Variants in EYS observed in about 807,000 individuals in gnomAD.
EYS encodes EGF-like photoreceptor maintenance factor.
Under a neutral mutation model 282.1 loss-of-function variants are expected in EYS, and 250 were observed. That is an observed-to-expected ratio of 0.89 (90% CI 0.80 to 0.98). EYS has a LOEUF of 0.98. EYS is among the 50% of genes least tolerant of loss of function. EYS has a pLI of 0.00. For synonymous variants in EYS, 1,355 were observed against 1,282.9 expected (o/e 1.06, Z -1.20); for missense variants, 4,016 against 3,709.0 (o/e 1.08, Z -2.15).
chr6:64,944,971 CCTT>C (rs1302445225), intron 15 of EYS, among the ~76,000 whole-genome samples: 6 of 151,446 alleles, frequency 4.0e-5, no homozygotes, highest in Non-Finnish European at 7.4e-5. Context: ...TTGTTGCTGA[CCTT>C]CTCCTTATTA....
At chr6:65,591,052 T>C (rs1487176617) in intron 2 of EYS, among the ~76,000 whole-genome samples, 1 of 152,044 alleles carries the variant, frequency 6.6e-6, no homozygotes, top group Non-Finnish European at 1.5e-5. Flanking sequence ...GGGATCTCCA[T>C]ACTTTTTTCC....
chr6:65,312,893 G>C (rs915388122), intron 11 of EYS, among the ~76,000 whole-genome samples: 1 of 151,990 alleles, frequency 6.6e-6, no homozygotes, highest in Non-Finnish European at 1.5e-5. Flanking sequence ...TCTTTAGGAG[G>C]GAGCTTTCAT....
chr6:64,179,127 T>A lies in EYS; in HGVS notation c.6424+51465A>T, dbSNP rs867792643. Among the ~76,000 whole-genome samples the A allele has an allele frequency of 5.9e-5, 9 of 152,202 alleles. No homozygotes were observed. In the South Asian group the frequency reaches 1.9e-3, roughly 32 times the overall value. The stretch of plus-strand genomic sequence containing the variant: ...AAGAATGGAATGCATATTATTTTAT[T>A]TAAAAACTAAAGAATGTATGTCCAA... On this transcript the variant is annotated intron_variant, in intron 31 of 42. Coordinates refer to ENST00000503581, the MANE Select transcript of EYS (RefSeq NM_001142800.2).
In EYS at chr6:64,591,230, G is replaced by A; in HGVS notation, c.4637C>T (p.Ala1546Val). 1 of 1,551,386 alleles carries A rather than the reference G, an allele frequency of 6.4e-7. No homozygotes were observed. Among genetic ancestry groups the A allele is most frequent in the Non-Finnish European group, 8.7e-7 (1 of 1,146,812 alleles). ...TTGGCTTAATTCTCTTAAAGAATCA[G>A]CAGCCTGTGATTTGATGTTTGTGAG... ...QRLTNIKSQA[A>V]DSLRELSQTC... The change falls in exon 26 of 43, where the codon GCT becomes GTT. Residue 1546 changes from alanine to valine, a missense_variant. Coordinates refer to ENST00000503581, the MANE Select transcript of EYS (RefSeq NM_001142800.2).
chr6:65,432,083 C>T (rs1415910896), intron 5 of EYS, among the ~76,000 whole-genome samples: 1 of 151,900 alleles, frequency 6.6e-6, no homozygotes, highest in Non-Finnish European at 1.5e-5. Flanking sequence ...ATCTTATGAT[C>T]CATAAAAGTA....
chr6:64,114,677 C>T (rs142922231), intron 31 of EYS, among the ~76,000 whole-genome samples: 1,890 of 152,284 alleles, frequency 0.012, 21 homozygotes, highest in Middle Eastern at 0.02. Context: ...TTCTGGCAGT[C>T]TTAGTCACAG....
At chr6:64,872,023 G>A (rs1387946127) in intron 19 of EYS, among the ~76,000 whole-genome samples, 3 of 151,988 alleles carry the variant, frequency 2.0e-5, no homozygotes, top group Non-Finnish European at 4.4e-5. Context: ...TGAAGGGAGT[G>A]GATATATTAA....
chr6:64,704,977 G>A (rs1401621274), intron 22 of EYS, among the ~76,000 whole-genome samples: 1 of 151,960 alleles, frequency 6.6e-6, no homozygotes, highest in Non-Finnish European at 1.5e-5. Context: ...GTCCTAGCCA[G>A]AGCAATCAGA....
chr6:64,869,155 A>C (rs1766515333), intron 19 of EYS, among the ~76,000 whole-genome samples: 1 of 151,518 alleles, frequency 6.6e-6, no homozygotes, highest in South Asian at 2.1e-4. Flanking sequence ...ACTCAGATAC[A>C]TCAAGGGAGT....
At chr6:64,303,638 C>T (rs1246383566) in intron 30 of EYS, among the ~76,000 whole-genome samples, 2 of 151,636 alleles carry the variant, frequency 1.3e-5, no homozygotes, top group Non-Finnish European at 2.9e-5. Flanking sequence ...GTCAGGAGAT[C>T]GAGACCATCC....
chr6:63,826,317 G>A (rs1188443282), intron 36 of EYS, among the ~76,000 whole-genome samples: 1 of 152,194 alleles, frequency 6.6e-6, no homozygotes, highest in Non-Finnish European at 1.5e-5. Flanking sequence ...AAACGTATTT[G>A]GGGGGATAAT....
chr6:64,134,465 C>A (rs1445780460), intron 31 of EYS, among the ~76,000 whole-genome samples: 2 of 151,684 alleles, frequency 1.3e-5, no homozygotes, highest in Non-Finnish European at 2.9e-5. Flanking sequence ...AAAATATATA[C>A]CCAGATTAGG....
intron 22 of EYS, among the ~76,000 whole-genome samples, chr6:64,674,325 G>A (rs1056524751): frequency 2.6e-5 from 4 of 151,916 alleles, no homozygotes; most frequent in African/African-American, 9.7e-5. Flanking sequence ...ATTTCTTTGA[G>A]ACTTTATTCA....
intron 29 of EYS, among the ~76,000 whole-genome samples, chr6:64,331,598 CCCG>C (rs145114218): frequency 0.69 from 104,178 of 150,746 alleles, 36,021 homozygotes; most frequent in African/African-American, 0.72. Flanking sequence ...CAATAGCCCC[CCCG>C]CCCGCCCAGT....
At chr6:63,798,107 G>T (rs772348424) in intron 37 of EYS, 11 of 152,218 alleles carry the variant, frequency 7.2e-5, no homozygotes, top group East Asian at 1.9e-4. Context: ...TGAAATCAAG[G>T]TTACCCACTT....
chr6:65,610,057 C>T (rs1219656664), intron 2 of EYS, among the ~76,000 whole-genome samples: 1 of 152,010 alleles, frequency 6.6e-6, no homozygotes, highest in Non-Finnish European at 1.5e-5. Flanking sequence ...TGCCACCACG[C>T]CTGGCTAGTT....
At chr6:65,066,993 A>G (rs1005158057) in intron 12 of EYS, among the ~76,000 whole-genome samples, 2 of 152,144 alleles carry the variant, frequency 1.3e-5, no homozygotes, top group East Asian at 1.9e-4. Flanking sequence ...TACTAATTCT[A>G]CTTCTAATCA....
At chr6:64,959,340 AT>A (rs1430978003) in intron 14 of EYS, among the ~76,000 whole-genome samples, 5 of 152,166 alleles carry the variant, frequency 3.3e-5, no homozygotes, top group Non-Finnish European at 5.9e-5. Context: ...TGACATAATC[AT>A]TACTCCTCTC....
intron 2 of EYS, among the ~76,000 whole-genome samples, chr6:65,516,761 T>C (rs1427994451): frequency 6.6e-6 from 1 of 152,034 alleles, no homozygotes; most frequent in Non-Finnish European, 1.5e-5. Context: ...CTAACTCTTC[T>C]TTTCTCCAAA....
Sources: allele counts gnomAD v4.1 joint callset (sites outside exome capture counted in the v4.1 genomes callset), GRCh38; gene constraint gnomAD v4.1.1; transcripts MANE v1.5; gene names NCBI Gene and HGNC (gene_info 2026-07-23, HGNC 2026-07-21).